DNAH5: variants seen among roughly 807,000 people sequenced by gnomAD.
DNAH5 encodes the protein dynein axonemal heavy chain 5, also known as axonemal beta dynein heavy chain 5.
A neutral mutation model predicts 518.2 loss-of-function variants in DNAH5; 372 were observed. The observed-to-expected ratio is 0.72, with a 90% CI of 0.66 to 0.78. The LOEUF (loss-of-function observed/expected upper bound fraction) is 0.78, where lower values mean the gene tolerates loss of function less well. Among genes scored for constraint, DNAH5 ranks in the 30% least tolerant of loss-of-function variants. The probability of loss-of-function intolerance (pLI) is 0.00; values close to 1 mark genes in which losing one functional copy is unlikely to be tolerated. For synonymous variants in DNAH5, 2,039 were observed against 2,025.9 expected, an observed-to-expected ratio of 1.01 and a Z score of -0.17; for missense variants, 5,523 against 5,687.0, an observed-to-expected ratio of 0.97 and a Z score of 0.93.
At chr5:13,995,370 T>TC (rs1734953531) in intron 1 of DNAH5, among the ~76,000 whole-genome samples, 1 of 152,194 alleles carries the variant, frequency 6.6e-6, no homozygotes, top group Non-Finnish European at 1.5e-5. Context: ...CATCCTTGTA[T>TC]CCTCTTTCTC....
At chr5:13,720,894 A>T in intron 71 of DNAH5, 106 bp downstream of exon 71, 1 of 1,474,740 alleles carries the variant, frequency 6.8e-7, no homozygotes, top group Non-Finnish European at 9.4e-7. Flanking sequence ...AACAGCAGGC[A>T]GCATGTAAAT....
chr5:13,815,603 G>A (rs1761351762), intron 42 of DNAH5, among the ~76,000 whole-genome samples: 1 of 152,096 alleles, frequency 6.6e-6, no homozygotes, highest in South Asian at 2.1e-4. Flanking sequence ...AATGTCTATT[G>A]TTTATAAGCC....
intron 29 of DNAH5, among the ~76,000 whole-genome samples, chr5:13,860,104 C>T (rs749659242): frequency 9.2e-5 from 14 of 152,160 alleles, no homozygotes; most frequent in East Asian, 1.9e-4. Context: ...TAACTTCCCA[C>T]GCACCTGTGT....
intron 22 of DNAH5, among the ~76,000 whole-genome samples, chr5:13,874,143 C>G (rs376007344): frequency 6.6e-6 from 1 of 152,232 alleles, no homozygotes; most frequent in East Asian, 1.9e-4. Context: ...ACAAATGATT[C>G]GTTTGCATGA....
In DNAH5 at chr5:13,729,528, G is replaced by T. The variant is rs1746210228; in HGVS notation, c.11794C>A (p.Pro3932Thr). 3 of 1,613,828 alleles carry T rather than the reference G, an allele frequency of 1.9e-6. No homozygotes were observed. Among genetic ancestry groups the T allele is most frequent in the Non-Finnish European group, 2.5e-6 (3 of 1,179,792 alleles). ...TCCAGGATCCATTTTGATGGTTTTG[G>T]AGGACAAGCTTTAAGGTCTAATGAG... is the stretch of plus-strand genomic sequence containing the variant. ...GASLDLKACP[P>T]KPSKWILDIT... Residue 3932 changes from proline to threonine, a missense_variant, in exon 69 of 79, where the codon CCA becomes ACA. By Grantham distance (38) the Pro-to-Thr change is conservative (BLOSUM62 -1). Transcript: ENST00000265104.
chr5:13,933,260 T>C (rs1202346902), intron 1 of DNAH5, among the ~76,000 whole-genome samples: 3 of 152,140 alleles, frequency 2.0e-5, no homozygotes, highest in South Asian at 2.1e-4. Context: ...GTGGTACCTG[T>C]TGGAGTTGTG....
chr5:14,006,558 G>A (rs557819917), intron 1 of DNAH5, among the ~76,000 whole-genome samples: 2 of 152,222 alleles, frequency 1.3e-5, no homozygotes, highest in East Asian at 1.9e-4. Flanking sequence ...CAAGGACACC[G>A]ATCATATCGG....
intron 1 of DNAH5, among the ~76,000 whole-genome samples, chr5:13,964,531 C>T (rs150271942): frequency 4.7e-4 from 71 of 152,350 alleles, no homozygotes; most frequent in Admixed American, 3.3e-4. Flanking sequence ...CACTGGAGGA[C>T]GTGGACTCCA....
chr5:13,920,074 C>T (rs976942251), intron 6 of DNAH5, among the ~76,000 whole-genome samples: 1 of 152,182 alleles, frequency 6.6e-6, no homozygotes, highest in African/African-American at 2.4e-5. Context: ...ATTGTGCTTA[C>T]TTTGTAATGT....
At chr5:13,849,428 C>G (rs998209921) in intron 31 of DNAH5, among the ~76,000 whole-genome samples, 1 of 152,210 alleles carries the variant, frequency 6.6e-6, no homozygotes, top group Non-Finnish European at 1.5e-5. Flanking sequence ...GATGGAGACT[C>G]CGCTCTGGGT....
At chr5:13,921,475 T>TCACACACA (rs138046391) in intron 5 of DNAH5, among the ~76,000 whole-genome samples, 9 of 73,768 alleles carry the variant, frequency 1.2e-4, no homozygotes, top group African/African-American at 3.5e-4. Context: ...TATCTCTCTC[T>TCACACACA]CACACACACA....
chr5:13,867,931 A>G lies in DNAH5; in HGVS notation c.3896T>C (p.Val1299Ala). The stretch of plus-strand genomic sequence containing the variant: ...CTCCCAAGCATAGTGCAGTGTATCA[A>G]CTTTGTCTATCTCTTCCCTTGCTAT... Reference protein sequence around the residue: ...LLIAREEIDKVDTLHYAWEKL... With the variant: ...LLIAREEIDKADTLHYAWEKL... The change falls in exon 25 of 79, where the codon GTT becomes GCT. Residue 1299 changes from valine to alanine, a missense_variant. Around this residue, in one of 3 missense-constraint regions of DNAH5, gnomAD observed 5,121 missense variants for 5,223.3 expected, o/e 0.98. Transcript: ENST00000265104. 3 of 1,614,100 alleles carry G rather than the reference A, an allele frequency of 1.9e-6. No homozygotes were observed. Among genetic ancestry groups the G allele is most frequent in the Non-Finnish European group, 2.5e-6 (3 of 1,179,986 alleles).
In DNAH5 at chr5:13,708,151, TC is replaced by T. The variant is rs1743038020; in HGVS notation, c.13309del (p.Asp4437MetfsTer26). The T allele has an allele frequency of 6.2e-7, 1 of 1,614,174 alleles. No individual in the cohort carries two copies. The highest frequency in any genetic ancestry group is 8.5e-7 in the Non-Finnish European group (1 of 1,179,990). On this transcript the variant is annotated frameshift_variant, in exon 76 of 79. Coordinates refer to ENST00000265104, the MANE Select transcript of DNAH5 (RefSeq NM_001369.3). LOFTEE classifies it high-confidence loss of function. ...NLRDALDCMF[D>X]ARIPAWWKKA... ...TTTCCACCAAGCAGGGATTCTAGCA[TC>T]AAACATGCAATCCAATGCATCTCGC...
At chr5:13,782,472 G>A (rs1448280543) in intron 52 of DNAH5, among the ~76,000 whole-genome samples, 1 of 152,104 alleles carries the variant, frequency 6.6e-6, no homozygotes, top group Non-Finnish European at 1.5e-5. Flanking sequence ...TCCCCTCTAT[G>A]TGGTTCTCGC....
intron 64 of DNAH5, 57 bp downstream of exon 64, chr5:13,752,077 A>G (rs1287668111): frequency 6.3e-7 from 1 of 1,578,998 alleles, no homozygotes; most frequent in Non-Finnish European, 8.7e-7. Context: ...TCTGTGTCAC[A>G]TTGACCTGGC....
Position 13,780,885 on chromosome 5 carries a change from C to T in DNAH5, c.8895G>A (p.Leu2965=). ...VGVGGSGKQS[L]TRLASFIAGY... is the part of the protein sequence containing the mutation. ...CAGCAATGAATGAAGCCAACCTCGT[C>T]AGGCTCTGCTTTCCTGATCCGCCCA... Residue 2965 remains leucine, a synonymous_variant, in exon 53 of 79, where the codon CTG becomes CTA. Coordinates refer to ENST00000265104, the MANE Select transcript of DNAH5 (RefSeq NM_001369.3). 2 of 1,613,822 alleles carry T rather than the reference C, an allele frequency of 1.2e-6. No homozygotes were observed. Among genetic ancestry groups the T allele is most frequent in the Non-Finnish European group, 1.7e-6 (2 of 1,179,832 alleles).
chr5:13,905,140 A>G (rs1775129877), intron 12 of DNAH5, among the ~76,000 whole-genome samples: 1 of 152,250 alleles, frequency 6.6e-6, no homozygotes, highest in African/African-American at 2.4e-5. Flanking sequence ...TCTGTGTTTA[A>G]CCAATTGAAT....
In DNAH5 at chr5:13,743,777, G is replaced by C. The variant is rs573983414; in HGVS notation, c.11212-6282C>G. Among the ~76,000 whole-genome samples, 106 of 152,126 alleles carry C rather than the reference G, an allele frequency of 7.0e-4. 1 individual carries two copies. The highest frequency in any genetic ancestry group is 2.5e-3 in the African/African-American group (102 of 41,518). ...ATGACATATCATCTCACCCCAGCTG[G>C]GTTGGCGATTATCAAAAAGTCAAAA... On this transcript the variant is annotated intron_variant, in intron 65 of 78. Transcript: ENST00000265104.
At chr5:13,753,140 A>G (rs1407660967) in intron 63 of DNAH5, 93 bp downstream of exon 63, 5 of 896,252 alleles carry the variant, frequency 5.6e-6, no homozygotes, top group African/African-American at 5.0e-5. Flanking sequence ...AAACATCTCT[A>G]GTGTTTTCAA....
Sources: gnomAD v4.1 joint callset for allele counts (sites outside exome capture counted in the v4.1 genomes callset) on GRCh38, gnomAD v4.1.1 for gene constraint, gnomAD v4.1.1 regional missense constraint, MANE v1.5 for transcripts, NCBI Gene and HGNC (gene_info 2026-07-23, HGNC 2026-07-21) for gene names.